The following LPGAT1 variants were observed in gnomAD, a reference collection of about 807,000 sequenced individuals.
The protein encoded by LPGAT1 is acyl-CoA:lysophosphatidylglycerol acyltransferase 1.
Under a neutral mutation model 47.5 loss-of-function variants are expected in LPGAT1, and 11 were observed. The observed-to-expected ratio is 0.23, with a 90% CI of 0.15 to 0.38. LPGAT1 has a LOEUF of 0.38. LPGAT1 is among the 10% of genes least tolerant of loss of function. LPGAT1 has a pLI of 1.00. For synonymous variants in LPGAT1, 138 were observed against 144.2 expected, an observed-to-expected ratio of 0.96 and a Z score of 0.31; for missense variants, 293 against 439.0, an observed-to-expected ratio of 0.67 and a Z score of 2.97.
intron 2 of LPGAT1, among the ~76,000 whole-genome samples, chr1:211,823,710 G>A (rs1558286056): frequency 6.6e-6 from 1 of 152,148 alleles, no homozygotes; most frequent in Non-Finnish European, 1.5e-5. Flanking sequence ...GGTCAAGGAA[G>A]GAGGAGCCCT....
At chr1:211,768,868 T>C (rs1658048760) in intron 6 of LPGAT1, among the ~76,000 whole-genome samples, 1 of 152,114 alleles carries the variant, frequency 6.6e-6, no homozygotes, top group South Asian at 2.1e-4. Context: ...TTCATACAGA[T>C]TTCCAAGGGA....
intron 6 of LPGAT1, among the ~76,000 whole-genome samples, chr1:211,754,316 C>A (rs563912906): frequency 6.6e-6 from 1 of 152,304 alleles, no homozygotes; most frequent in Non-Finnish European, 1.5e-5. Flanking sequence ...TGCTGCCAGA[C>A]TTTTGGAAGT....
intron 2 of LPGAT1, among the ~76,000 whole-genome samples, chr1:211,794,572 T>C (rs1006832745): frequency 2.0e-5 from 3 of 152,174 alleles, no homozygotes; most frequent in Admixed American, 6.5e-5. Context: ...TCTCAAAGTA[T>C]TGACATTACA....
chr1:211,828,878 A>G (rs1660626991), intron 2 of LPGAT1, among the ~76,000 whole-genome samples, 181 bp downstream of exon 2: 1 of 152,234 alleles, frequency 6.6e-6, no homozygotes, highest in Non-Finnish European at 1.5e-5. Flanking sequence ...ATGAAATTAT[A>G]CTTCTGAAAA....
chr1:211,762,574 TC>T (rs955584648), intron 6 of LPGAT1, among the ~76,000 whole-genome samples: 1 of 152,142 alleles, frequency 6.6e-6, no homozygotes, highest in Non-Finnish European at 1.5e-5. Context: ...TGAAATCAAA[TC>T]AGAGGAGTGC....
At chr1:211,807,197 G>T (rs1167737910) in intron 2 of LPGAT1, among the ~76,000 whole-genome samples, 1 of 151,866 alleles carries the variant, frequency 6.6e-6, no homozygotes, top group Non-Finnish European at 1.5e-5. Context: ...AAATACTTAG[G>T]TATAAATTTA....
intron 2 of LPGAT1, 160 bp from the exon 3 acceptor site, chr1:211,793,350 T>C: frequency 8.3e-6 from 3 of 362,358 alleles, no homozygotes; most frequent in Non-Finnish European, 1.5e-5. Flanking sequence ...AATCAGAATG[T>C]TAATATAACT....
chr1:211,811,879 CT>C (rs1277012444), intron 2 of LPGAT1, among the ~76,000 whole-genome samples: 1 of 152,188 alleles, frequency 6.6e-6, no homozygotes, highest in African/African-American at 2.4e-5. Context: ...ATGAGATTAT[CT>C]TTATATCCTG....
intron 2 of LPGAT1, among the ~76,000 whole-genome samples, chr1:211,809,742 A>T (rs1345330711): frequency 6.6e-6 from 1 of 152,058 alleles, no homozygotes; most frequent in Non-Finnish European, 1.5e-5. Context: ...TTCACTTTCC[A>T]CCATGATTGT....
At chr1:211,771,789 G>A (rs779353839) in intron 6 of LPGAT1, among the ~76,000 whole-genome samples, 2 of 151,956 alleles carry the variant, frequency 1.3e-5, no homozygotes, top group Non-Finnish European at 2.9e-5. Context: ...AGGCGTGAGC[G>A]ACCGTGCTGC....
intron 2 of LPGAT1, among the ~76,000 whole-genome samples, chr1:211,819,732 C>G (rs1660302581): frequency 6.6e-6 from 1 of 152,080 alleles, no homozygotes; most frequent in Non-Finnish European, 1.5e-5. Context: ...CGCCTGTAAT[C>G]CCAGCACTTT....
Position 211,750,967 on chromosome 1 carries a change from C to T in LPGAT1, c.955G>A (p.Glu319Lys), listed in dbSNP as rs753013114. The T allele has an allele frequency of 6.2e-7, 1 of 1,608,128 alleles. No individual in the cohort carries two copies. Among genetic ancestry groups the T allele is most frequent in the Non-Finnish European group, 8.5e-7 (1 of 1,174,904 alleles). ...EKEDLLSHFY[E>K]TGAFPPSKGH... ...TTTAAAGGTTACTGTGTACCTGTTT[C>T]ATAAAAATGTGATAAGAGGTCTTCT... The change falls in exon 7 of 8, where the codon GAA becomes AAA. Residue 319 changes from glutamate to lysine, a missense_variant. By Grantham distance (56) the Glu-to-Lys change is moderately conservative. Coordinates refer to ENST00000366997, the MANE Select transcript of LPGAT1 (RefSeq NM_014873.3).
chr1:211,751,023 G>A lies in LPGAT1; in HGVS notation c.899C>T (p.Thr300Ile), dbSNP rs1657155237. 6.2e-7 allele frequency: 1 copy of A among 1,613,856 alleles called. No homozygotes were observed. Among genetic ancestry groups the A allele is most frequent in the African/African-American group, 1.3e-5 (1 of 75,032 alleles). ...AACAAACCGCTGATAGAGCCAAGTG[G>A]TAAGGTCATCAGTCTCCAGGGGTAC... ...KDVPLETDDL[T>I]TWLYQRFVEK... is the part of the protein sequence containing the mutation. Residue 300 changes from threonine to isoleucine, a missense_variant, in exon 7 of 8, where the codon ACC (threonine) becomes ATC (isoleucine). Thr to Ile is a moderately conservative substitution (Grantham distance 89). Transcript: ENST00000366997.
In LPGAT1 at chr1:211,751,057, T is replaced by G. The variant is rs749026633; in HGVS notation, c.865A>C (p.Ile289Leu). 2 of 1,607,988 alleles carry G rather than the reference T, an allele frequency of 1.2e-6. No homozygotes were observed. Among genetic ancestry groups the G allele is most frequent in the Non-Finnish European group, 1.7e-6 (2 of 1,174,846 alleles). Residue 289 changes from isoleucine to leucine, a missense_variant, in exon 7 of 8, where the codon ATT (isoleucine) becomes CTT (leucine). Ile to Leu is a conservative substitution (Grantham distance 5). Coordinates refer to ENST00000366997, the MANE Select transcript of LPGAT1 (RefSeq NM_014873.3). ...TCAGTCTCCAGGGGTACATCTTTAA[T>G]TGGAAAGATCCTATTAAGGGTTAGA... is the stretch of plus-strand genomic sequence containing the variant. Reference protein sequence around the residue: ...VTHVHYRIFPIKDVPLETDDL... With the variant: ...VTHVHYRIFPLKDVPLETDDL...
At chr1:211,782,772 A>C (rs1658694702) in intron 5 of LPGAT1, among the ~76,000 whole-genome samples, 1 of 152,184 alleles carries the variant, frequency 6.6e-6, no homozygotes, top group African/African-American at 2.4e-5. Flanking sequence ...AACAACAACA[A>C]GAAAAACCCC....
chr1:211,757,307 C>T (rs181417846), intron 6 of LPGAT1, among the ~76,000 whole-genome samples: 24 of 151,414 alleles, frequency 1.6e-4, no homozygotes, highest in African/African-American at 5.3e-4. Flanking sequence ...CCTGACTCTA[C>T]CACTTGCCAG....
intron 6 of LPGAT1, 90 bp downstream of exon 6, chr1:211,778,828 T>C: frequency 9.5e-7 from 1 of 1,057,738 alleles, no homozygotes; most frequent in Non-Finnish European, 1.3e-6. Flanking sequence ...CTATTTCTAC[T>C]GTGTGATTAA....
At chr1:211,792,472 T>TCAATTTGA (rs1455408579) in intron 3 of LPGAT1, 1 of 144,080 alleles carries the variant, frequency 6.9e-6, no homozygotes. Flanking sequence ...CAGACAGCCC[T>TCAATTTGA]CAATTTGAAC....
intron 2 of LPGAT1, among the ~76,000 whole-genome samples, chr1:211,809,795 C>G (rs1168156302): frequency 6.6e-6 from 1 of 152,164 alleles, no homozygotes; most frequent in Non-Finnish European, 1.5e-5. Context: ...ATTCAAACCT[C>G]TTTCCTTTAT....
Sources: gnomAD v4.1 joint callset for allele counts (sites outside exome capture counted in the v4.1 genomes callset) on GRCh38, gnomAD v4.1.1 for gene constraint, MANE v1.5 for transcripts, NCBI Gene and HGNC (gene_info 2026-07-23, HGNC 2026-07-21) for gene names.